The following PRKN variants were observed in gnomAD, a reference collection of about 807,000 sequenced individuals.
The protein encoded by PRKN is E3 ubiquitin-protein ligase parkin.
In PRKN, 56 loss-of-function variants were observed where a neutral mutation model predicts 59.5. That is an observed-to-expected ratio of 0.94 (90% CI 0.76 to 1.18). The LOEUF (loss-of-function observed/expected upper bound fraction) is 1.18, where lower values mean the gene tolerates loss of function less well. Ranked by LOEUF, PRKN falls within the 50% of genes most tolerant of loss-of-function variation. The pLI, the probability that PRKN is intolerant of heterozygous loss-of-function variation, is 0.00. For missense variants in PRKN, 657 were observed against 596.4 expected (o/e 1.10, Z -1.06); for synonymous variants, 250 against 222.1 (o/e 1.13, Z -1.12).
chr6:162,336,674 A>C lies in PRKN; in HGVS notation c.172-73909T>G, dbSNP rs747723939. Among the ~76,000 whole-genome samples the C allele has an allele frequency of 3.7e-4, 56 of 152,324 alleles. 1 individual carries two copies. In the Middle Eastern group the frequency reaches 0.01, roughly 28 times the overall value. The stretch of plus-strand genomic sequence containing the variant: ...CTAACTAGCTCAACACTTATTCTCA[A>C]CAACACAAAGACAAATTAATCTCCA... On this transcript the variant is annotated intron_variant, in intron 2 of 11. Transcript: ENST00000366898.
chr6:162,395,101 G>A (rs1206287232), intron 2 of PRKN, among the ~76,000 whole-genome samples: 1 of 152,130 alleles, frequency 6.6e-6, no homozygotes, highest in Non-Finnish European at 1.5e-5. Context: ...AATATAAAAA[G>A]AGATATCCTG....
intron 7 of PRKN, among the ~76,000 whole-genome samples, chr6:161,610,378 C>T (rs754157446): frequency 1.3e-5 from 2 of 151,840 alleles, no homozygotes; most frequent in Non-Finnish European, 2.9e-5. Context: ...AAATTACGGG[C>T]AAAACAGAAA....
intron 4 of PRKN, among the ~76,000 whole-genome samples, chr6:162,107,550 A>G (rs1161528085): frequency 2.0e-5 from 3 of 152,230 alleles, no homozygotes; most frequent in Non-Finnish European, 2.9e-5. Context: ...GAGAGAACAG[A>G]AGAGTTTCTC....
chr6:162,339,437 G>T (rs1784051030), intron 2 of PRKN, among the ~76,000 whole-genome samples: 1 of 145,870 alleles, frequency 6.9e-6, no homozygotes, highest in Admixed American at 6.7e-5. Flanking sequence ...GGAGGTGAGG[G>T]GCGCCTCTGC....
intron 9 of PRKN, among the ~76,000 whole-genome samples, chr6:161,489,539 G>T (rs1007647892): frequency 2.0e-5 from 3 of 152,056 alleles, no homozygotes; most frequent in Non-Finnish European, 4.4e-5. Flanking sequence ...CAGCCTGGGC[G>T]AAAGAGCAAA....
At chr6:162,258,803 C>T (rs1424243196) in intron 3 of PRKN, among the ~76,000 whole-genome samples, 1 of 152,224 alleles carries the variant, frequency 6.6e-6, no homozygotes, top group African/African-American at 2.4e-5. Flanking sequence ...AGTTCTTTGA[C>T]GTCCTCTTAC....
intron 2 of PRKN, among the ~76,000 whole-genome samples, chr6:162,283,265 T>C (rs1781003262): frequency 6.6e-6 from 1 of 152,210 alleles, no homozygotes; most frequent in Non-Finnish European, 1.5e-5. Flanking sequence ...TAACTTTTAT[T>C]ATCTTTATGC....
chr6:162,331,661 A>G (rs9347623), intron 2 of PRKN, among the ~76,000 whole-genome samples: 75,649 of 151,980 alleles, frequency 0.5, 19,036 homozygotes, highest in Middle Eastern at 0.53. Flanking sequence ...ACATGTCAGT[A>G]AATAGTTGGA....
chr6:162,363,141 A>C (rs1189812036), intron 2 of PRKN, among the ~76,000 whole-genome samples: 24 of 145,842 alleles, frequency 1.6e-4, no homozygotes, highest in South Asian at 8.6e-4. Context: ...CAAAAAAAAA[A>C]AAAAAAAAAA....
intron 2 of PRKN, among the ~76,000 whole-genome samples, chr6:162,289,398 C>A (rs1781328530): frequency 6.6e-6 from 1 of 151,956 alleles, no homozygotes; most frequent in South Asian, 2.1e-4. Flanking sequence ...CCAGGTGCTT[C>A]AAAATAGGTG....
chr6:161,815,747 G>A (rs4621613), intron 6 of PRKN, among the ~76,000 whole-genome samples: 36,568 of 151,992 alleles, frequency 0.24, 4,699 homozygotes, highest in Non-Finnish European at 0.3. Flanking sequence ...GCAGACTTGC[G>A]GAATTGAACC....
At chr6:161,946,388 A>ACT (rs1779774663) in intron 6 of PRKN, among the ~76,000 whole-genome samples, 1 of 77,466 alleles carries the variant, frequency 1.3e-5, no homozygotes, top group African/African-American at 4.0e-5. Flanking sequence ...CATGCACATC[A>ACT]CACACACACA....
In PRKN at chr6:161,530,876, A is replaced by T. The variant is rs1235066244; in HGVS notation, c.1083+17978T>A. Among the ~76,000 whole-genome samples, 1 of 152,160 alleles carries T rather than the reference A, an allele frequency of 6.6e-6. No individual in the cohort carries two copies. The highest frequency in any genetic ancestry group is 1.9e-4 in the East Asian group (1 of 5,184). On this transcript the variant is annotated intron_variant, in intron 9 of 11. Coordinates refer to ENST00000366898, the MANE Select transcript of PRKN (RefSeq NM_004562.3). This position sits in a 1 kb window ranked among gnomAD's most constrained non-coding sequence, Gnocchi z 5.0. Reference sequence around the variant, plus strand: ...CATGCTGCTCTACTTCAGAGAACAGACCAATTTTTAGAGAGCTTCAACAAT... The same window carrying T: ...CATGCTGCTCTACTTCAGAGAACAGTCCAATTTTTAGAGAGCTTCAACAAT...
chr6:162,088,358 T>A (rs1253554382), intron 4 of PRKN, among the ~76,000 whole-genome samples: 1 of 152,202 alleles, frequency 6.6e-6, no homozygotes, highest in African/African-American at 2.4e-5. Flanking sequence ...AAAATTGTTT[T>A]TCTCAATCAC....
chr6:161,542,876 C>A (rs1017262713), intron 9 of PRKN, among the ~76,000 whole-genome samples: 1 of 151,894 alleles, frequency 6.6e-6, no homozygotes, highest in Non-Finnish European at 1.5e-5. Context: ...TATTTGGAGA[C>A]TAGATTTTAA....
intron 5 of PRKN, among the ~76,000 whole-genome samples, chr6:162,034,975 G>A (rs1293930314): frequency 6.6e-6 from 1 of 152,182 alleles, no homozygotes; most frequent in Non-Finnish European, 1.5e-5. Flanking sequence ...TAAAAGAAAA[G>A]AGGTTTAGTT....
intron 1 of PRKN, among the ~76,000 whole-genome samples, chr6:162,654,991 T>G (rs1282780505): frequency 6.6e-6 from 1 of 152,212 alleles, no homozygotes; most frequent in Non-Finnish European, 1.5e-5. Context: ...CTAGTCTTTT[T>G]AATTAAACCC....
intron 1 of PRKN, among the ~76,000 whole-genome samples, chr6:162,700,753 A>C (rs1269873690): frequency 6.6e-6 from 1 of 152,078 alleles, no homozygotes; most frequent in Non-Finnish European, 1.5e-5. Flanking sequence ...TCATATGCTT[A>C]TATCTATCGC....
chr6:162,556,370 T>TGTGC lies in PRKN; in HGVS notation c.8-112898_8-112897insGCAC, dbSNP rs1209351399. 5.5e-4 allele frequency among the ~76,000 whole-genome samples: 55 copies of TGTGC among 99,370 alleles called. No homozygotes were observed. In the East Asian group the frequency reaches 9.1e-3, roughly 16 times the overall value. The allele number at this position is 99,370 out of a possible 152,430, so 65.2% of individuals were successfully genotyped here. On this transcript the variant is annotated intron_variant, in intron 1 of 11. Coordinates refer to ENST00000366898, the MANE Select transcript of PRKN (RefSeq NM_004562.3). ...GTGTGTGTGTGTGTGTGTGTGTGTG[T>TGTGC]GTGTGTGTGTGTGTGTGTGTGTGTG...
Sources: allele counts gnomAD v4.1 joint callset (sites outside exome capture counted in the v4.1 genomes callset), GRCh38; gene constraint gnomAD v4.1.1; non-coding constraint Gnocchi (gnomAD v3.1); transcripts MANE v1.5; gene names NCBI Gene and HGNC (gene_info 2026-07-23, HGNC 2026-07-21).